The following RIPK1 variants were observed in gnomAD, a reference collection of about 807,000 sequenced individuals.
The protein encoded by RIPK1 is receptor-interacting serine/threonine-protein kinase 1.
RIPK1 carries 27 observed loss-of-function variants against 62.4 expected under a neutral mutation model. The observed-to-expected ratio is 0.43, with a 90% CI of 0.32 to 0.60. The LOEUF (loss-of-function observed/expected upper bound fraction) is 0.60, where lower values mean the gene tolerates loss of function less well. RIPK1 is among the 20% of genes least tolerant of loss of function. The pLI, the probability that RIPK1 is intolerant of heterozygous loss-of-function variation, is 0.07. For missense variants in RIPK1, 735 were observed against 831.0 expected, an observed-to-expected ratio of 0.88 and a Z score of 1.42; for synonymous variants, 287 against 303.2, an observed-to-expected ratio of 0.95 and a Z score of 0.55.
chr6:3,083,143 A>G lies in RIPK1; in HGVS notation c.518A>G (p.His173Arg). The change falls in exon 5 of 11, where the codon CAC becomes CGC. Residue 173 changes from histidine to arginine, a missense_variant. Physicochemically the swap from His to Arg is conservative, Grantham distance 29 (BLOSUM62 0). Coordinates refer to ENST00000259808, the MANE Select transcript of RIPK1 (RefSeq NM_001354930.2). ...TGGAGCAAACTGAATAATGAAGAGCACAATGAGCTGAGGGAAGTGGACGGC... is the reference window on the plus strand; with the variant it reads ...TGGAGCAAACTGAATAATGAAGAGCGCAATGAGCTGAGGGAAGTGGACGGC... ...KMWSKLNNEEHNELREVDGTA... is the reference protein window; with the variant it reads ...KMWSKLNNEERNELREVDGTA... 6.2e-7 allele frequency: 1 copy of G among 1,614,108 alleles called. No homozygotes were observed. The highest frequency in any genetic ancestry group is 8.5e-7 in the Non-Finnish European group (1 of 1,179,956).
chr6:3,110,929 C>G lies in RIPK1; in HGVS notation c.1703C>G (p.Pro568Arg), dbSNP rs771386706. 5.6e-6 allele frequency: 9 copies of G among 1,613,150 alleles called. No homozygotes were observed. Among genetic ancestry groups the G allele is most frequent in the Non-Finnish European group, 6.8e-6 (8 of 1,179,644 alleles). ...ACAAATACGAACTTCAAAGAAGAGCCAGCTGCTAAGTACCAAGCTATCTTT... is the reference window on the plus strand; with the variant it reads ...ACAAATACGAACTTCAAAGAAGAGCGAGCTGCTAAGTACCAAGCTATCTTT... ...DSTNTNFKEE[P>R]AAKYQAIFDN... The change falls in exon 10 of 11, where the codon CCA becomes CGA. Residue 568 changes from proline to arginine, a missense_variant. By Grantham distance (103) the Pro-to-Arg change is moderately radical. This residue lies in a region of RIPK1 where 671 missense variants were observed against 726.2 expected (regional missense o/e 0.92). Coordinates refer to ENST00000259808, the MANE Select transcript of RIPK1 (RefSeq NM_001354930.2).
chr6:3,081,099 A>G lies in RIPK1; in HGVS notation c.442A>G (p.Asn148Asp). Reference protein sequence around the residue: ...DLKPENILVDNDFHIKIADLG... With the variant: ...DLKPENILVDDDFHIKIADLG... ...GAAGCCTGAAAATATCCTTGTTGAT[A>G]ATGACTTCCACATTAAGGTAAACCA... The change falls in exon 4 of 11, where the codon AAT becomes GAT. Residue 148 changes from asparagine (N) to aspartate (D), a missense_variant. By Grantham distance (23) the Asn-to-Asp change is conservative. This residue lies in a region of RIPK1 where 671 missense variants were observed against 726.2 expected (regional missense o/e 0.92). Coordinates refer to ENST00000259808, the MANE Select transcript of RIPK1 (RefSeq NM_001354930.2). 1 of 1,614,110 alleles carries G rather than the reference A, an allele frequency of 6.2e-7. No homozygotes were observed. Among genetic ancestry groups the G allele is most frequent in the Non-Finnish European group, 8.5e-7 (1 of 1,179,988 alleles).
At chr6:3,068,250 C>A, upstream of RIPK1, 1 of 985,562 alleles carries the variant, frequency 1.0e-6, no homozygotes, top group East Asian at 1.1e-4. Flanking sequence ...CGGATAGCGC[C>A]CCCGCTGTAA....
At chr6:3,065,813 C>T (rs1391221661), upstream of RIPK1, among the ~76,000 whole-genome samples, 7 of 152,134 alleles carry the variant, frequency 4.6e-5, no homozygotes, top group Admixed American at 2.0e-4. Flanking sequence ...GGACCAGTTC[C>T]TTCATCTCAT....
intron 7 of RIPK1, among the ~76,000 whole-genome samples, chr6:3,090,091 T>C: frequency 6.6e-6 from 1 of 152,238 alleles, no homozygotes; most frequent in Admixed American, 6.5e-5. Flanking sequence ...CACAGTCACC[T>C]GGGATGTTGA....
intron 7 of RIPK1, 67 bp from the exon 8 acceptor site, chr6:3,104,158 G>A (rs1186858129): frequency 1.5e-5 from 10 of 673,898 alleles, no homozygotes; most frequent in East Asian, 1.1e-4. Context: ...AATTCTTCTC[G>A]TTAAAATTTT....
intron 1 of RIPK1, among the ~76,000 whole-genome samples, chr6:3,071,800 C>G (rs1421389755): frequency 1.3e-5 from 2 of 152,182 alleles, no homozygotes; most frequent in Non-Finnish European, 2.9e-5. Context: ...AGAGGCCTTC[C>G]CAAACTCCAC....
rs1395083809 is a variant in RIPK1, at chr6:3,090,854, A to G, written c.915+1197A>G. Among the ~76,000 whole-genome samples, 139 of 79,108 alleles carry G rather than the reference A, an allele frequency of 1.8e-3. 1 individual carries two copies. Among genetic ancestry groups the G allele is most frequent in the Non-Finnish European group, 2.2e-3 (104 of 47,686 alleles). The allele number at this position is 79,108 out of a possible 152,430, so 51.9% of individuals were successfully genotyped here. The stretch of plus-strand genomic sequence containing the variant: ...TACCTGCCGCACCTAGTAACCGCAG[A>G]GTACCTACCTGCCGCACCTAGTAAC... On this transcript the variant is annotated intron_variant, in intron 7 of 10. Transcript: ENST00000259808.
chr6:3,065,343 C>T (rs1336505595), upstream of RIPK1, among the ~76,000 whole-genome samples: 4 of 138,964 alleles, frequency 2.9e-5, no homozygotes, highest in African/African-American at 2.7e-5. Context: ...GCTGGGGGTG[C>T]GGGTTGTGTT....
At chr6:3,110,746 T>C in intron 9 of RIPK1, 57 bp from the exon 10 acceptor site, 1 of 1,164,730 alleles carries the variant, frequency 8.6e-7, no homozygotes, top group Non-Finnish European at 1.2e-6. Flanking sequence ...CCATGCTGTA[T>C]TTTTTTCTCT....
rs1393521529 is a variant in RIPK1, at chr6:3,075,109, G to C, written c.-60-1655G>C. ...TCCTGTTGGTTTGCATGGAGTTTCT[G>C]TTTTGCCACGAAGCTTTTTGCCAGC... On this transcript the variant is annotated intron_variant, in intron 1 of 10. Coordinates refer to ENST00000259808, the MANE Select transcript of RIPK1 (RefSeq NM_001354930.2). Among the ~76,000 whole-genome samples the C allele has an allele frequency of 2.0e-5, 3 of 152,232 alleles. No individual in the cohort carries two copies. The East Asian group carries it at 5.8e-4, about 29-fold the overall frequency.
chr6:3,068,755 G>C lies in RIPK1; in HGVS notation c.-61+94G>C, dbSNP rs937081527. ...GTCGGGGTTCGCGCGCCCTCCCCCAGCACGCCCGGGCAAGGCTGCCGCGGC... is the reference window on the plus strand; with the variant it reads ...GTCGGGGTTCGCGCGCCCTCCCCCACCACGCCCGGGCAAGGCTGCCGCGGC... On this transcript the variant is annotated intron_variant, in intron 1 of 10. Coordinates refer to ENST00000259808, the MANE Select transcript of RIPK1 (RefSeq NM_001354930.2). The C allele has an allele frequency of 4.0e-6, 3 of 753,522 alleles. No individual in the cohort carries two copies. The South Asian group carries it at 1.8e-4, about 45-fold the overall frequency. The allele number at this position is 753,522 out of a possible 1,614,324, so 46.7% of individuals were successfully genotyped here.
At chr6:3,064,934 G>A (rs1581362747), upstream of RIPK1, among the ~76,000 whole-genome samples, 1 of 152,128 alleles carries the variant, frequency 6.6e-6, no homozygotes, top group South Asian at 2.1e-4. Flanking sequence ...TAGGAGGAAG[G>A]ACAAGAGGAT....
intron 3 of RIPK1, 53 bp downstream of exon 3, chr6:3,077,988 T>C: frequency 6.3e-7 from 1 of 1,582,958 alleles, no homozygotes; most frequent in South Asian, 1.1e-5. Flanking sequence ...CCTGGCTGTC[T>C]GTTATGGCTC....
chr6:3,087,037 T>C lies in RIPK1; in HGVS notation c.838+1629T>C, dbSNP rs1397471571. ...CTCCAAGGTGTCTTCTTTTATTGTT[T>C]CCTTTCTGTTTAGAGAACTTTCCTT... On this transcript the variant is annotated intron_variant, in intron 6 of 10. Coordinates refer to ENST00000259808, the MANE Select transcript of RIPK1 (RefSeq NM_001354930.2). 2.6e-5 allele frequency among the ~76,000 whole-genome samples: 4 copies of C among 152,348 alleles called. No homozygotes were observed. In the East Asian group the frequency reaches 5.8e-4, roughly 22 times the overall value.
Position 3,070,020 on chromosome 6 carries a change from AT to A in RIPK1, c.-61+1360del, listed in dbSNP as rs1758622542. On this transcript the variant is annotated intron_variant, in intron 1 of 10. Transcript: ENST00000259808. The stretch of plus-strand genomic sequence containing the variant: ...GGGAGACTCTGTATCAAAAAAAAAA[AT>A]AAATAAAGAAATGGGGAATACTGCA... Among the ~76,000 whole-genome samples, 3 of 152,126 alleles carry A rather than the reference AT, an allele frequency of 2.0e-5. No individual in the cohort carries two copies. The South Asian group carries it at 6.2e-4, about 32-fold the overall frequency.
intron 1 of RIPK1, among the ~76,000 whole-genome samples, chr6:3,070,232 GCT>G (rs577498952): frequency 1.2e-3 from 187 of 152,298 alleles, no homozygotes; most frequent in East Asian, 5.8e-4. Context: ...ATTAAGAAAA[GCT>G]CTTAAACAGC....
intron 1 of RIPK1, among the ~76,000 whole-genome samples, chr6:3,075,745 A>G (rs1296824475): frequency 6.6e-6 from 1 of 151,964 alleles, no homozygotes; most frequent in African/African-American, 2.4e-5. Flanking sequence ...GCCTGTGACC[A>G]CTTCCTGTGT....
At chr6:3,094,467 A>G (rs1364628922) in intron 7 of RIPK1, among the ~76,000 whole-genome samples, 1 of 152,104 alleles carries the variant, frequency 6.6e-6, no homozygotes, top group East Asian at 1.9e-4. Flanking sequence ...AATAAATCAC[A>G]ATGGTATTTA....
Sources: allele counts gnomAD v4.1 joint callset (sites outside exome capture counted in the v4.1 genomes callset), GRCh38; gene constraint gnomAD v4.1.1; regional missense constraint gnomAD v4.1.1; transcripts MANE v1.5; gene names NCBI Gene and HGNC (gene_info 2026-07-23, HGNC 2026-07-21).